BMP6: variants seen among roughly 807,000 people sequenced by gnomAD.
BMP6 encodes VG-1-R.
Under a neutral mutation model 54.1 loss-of-function variants are expected in BMP6, and 17 were observed. The observed-to-expected ratio is 0.31, with a 90% confidence interval of 0.22 to 0.47. The LOEUF (loss-of-function observed/expected upper bound fraction) is 0.47. Among genes scored for constraint, BMP6 ranks in the 20% least tolerant of loss-of-function variants. The probability of loss-of-function intolerance (pLI) is 1.00; values close to 1 mark genes in which losing one functional copy is unlikely to be tolerated. For missense variants in BMP6, 720 were observed against 690.4 expected (o/e 1.04, Z -0.48); for synonymous variants, 328 against 291.2 (o/e 1.13, Z -1.28).
At chr6:7,782,426 G>A (rs191887113) in intron 1 of BMP6, among the ~76,000 whole-genome samples, 22 of 152,258 alleles carry the variant, frequency 1.4e-4, no homozygotes, top group Admixed American at 1.0e-3. Context: ...AGTAACTGAA[G>A]CAGCCCAGGC....
At chr6:7,879,554 T>C (rs1479061902) in intron 5 of BMP6, among the ~76,000 whole-genome samples, 1 of 152,210 alleles carries the variant, frequency 6.6e-6, no homozygotes, top group East Asian at 1.9e-4. Context: ...CACCAAACGA[T>C]GCAGAAGAGC....
At chr6:7,752,077 TA>T (rs1757434097) in intron 1 of BMP6, among the ~76,000 whole-genome samples, 1 of 152,194 alleles carries the variant, frequency 6.6e-6, no homozygotes, top group Non-Finnish European at 1.5e-5. Flanking sequence ...TCTACCTCCT[TA>T]AAACTTATTG....
intron 1 of BMP6, among the ~76,000 whole-genome samples, chr6:7,797,452 G>C (rs1041580693): frequency 1.3e-5 from 2 of 152,190 alleles, no homozygotes; most frequent in Non-Finnish European, 2.9e-5. Context: ...AATTCATTGA[G>C]TGAAAAGTTA....
chr6:7,742,793 A>T (rs4960351), intron 1 of BMP6, among the ~76,000 whole-genome samples: 59,302 of 151,716 alleles, frequency 0.39, 12,667 homozygotes, highest in Non-Finnish European at 0.48. Context: ...GTAGGCGCAT[A>T]CAAGATGTGA....
At chr6:7,751,544 A>G (rs1757425495) in intron 1 of BMP6, among the ~76,000 whole-genome samples, 1 of 152,218 alleles carries the variant, frequency 6.6e-6, no homozygotes, top group African/African-American at 2.4e-5. Context: ...TGACACATAT[A>G]TTTTCTGCCT....
intron 2 of BMP6, among the ~76,000 whole-genome samples, chr6:7,855,399 G>T (rs754139051): frequency 6.6e-6 from 1 of 152,026 alleles, no homozygotes; most frequent in Non-Finnish European, 1.5e-5. Flanking sequence ...TTAAGCCCCC[G>T]CAGGGGATTC....
At chr6:7,821,272 C>T (rs916705251) in intron 1 of BMP6, among the ~76,000 whole-genome samples, 2 of 152,218 alleles carry the variant, frequency 1.3e-5, no homozygotes, top group Admixed American at 6.5e-5. Flanking sequence ...CTCCTGTCCC[C>T]ACCCAGGGGT....
At chr6:7,802,757 G>A (rs1758289996) in intron 1 of BMP6, among the ~76,000 whole-genome samples, 1 of 152,248 alleles carries the variant, frequency 6.6e-6, no homozygotes, top group Non-Finnish European at 1.5e-5. Flanking sequence ...TCACCTGACA[G>A]TGAAGGGTTT....
intron 1 of BMP6, among the ~76,000 whole-genome samples, chr6:7,758,630 T>G (rs1401408931): frequency 1.3e-5 from 2 of 152,238 alleles, no homozygotes; most frequent in Non-Finnish European, 2.9e-5. Flanking sequence ...GTGGTGGCAG[T>G]GGCTAAAGGG....
At chr6:7,796,680 T>C (rs1758195884) in intron 1 of BMP6, among the ~76,000 whole-genome samples, 1 of 152,218 alleles carries the variant, frequency 6.6e-6, no homozygotes, top group African/African-American at 2.4e-5. Flanking sequence ...GCGATACTTA[T>C]AAAATAAATG....
intron 1 of BMP6, among the ~76,000 whole-genome samples, chr6:7,844,265 G>A (rs1451349127): frequency 2.0e-5 from 3 of 151,378 alleles, no homozygotes; most frequent in Non-Finnish European, 2.9e-5. Flanking sequence ...CACATACCAC[G>A]TTTTCTTCAT....
At chr6:7,843,269 A>T (rs975657458) in intron 1 of BMP6, among the ~76,000 whole-genome samples, 6 of 124,040 alleles carry the variant, frequency 4.8e-5, no homozygotes, top group Non-Finnish European at 1.0e-4. Flanking sequence ...CCCTCAAAAT[A>T]AAAAAAAAAA....
At chr6:7,767,119 TG>T (rs1282855804) in intron 1 of BMP6, among the ~76,000 whole-genome samples, 22 of 151,928 alleles carry the variant, frequency 1.4e-4, no homozygotes, top group African/African-American at 5.3e-4. Flanking sequence ...TCCGAGTAGC[TG>T]GGACTACAGG....
intron 1 of BMP6, among the ~76,000 whole-genome samples, chr6:7,814,649 G>T (rs1014794080): frequency 2.0e-5 from 3 of 152,176 alleles, no homozygotes; most frequent in African/African-American, 7.2e-5. Flanking sequence ...GACATGTAAT[G>T]ATGTGAGGGT....
intron 1 of BMP6, among the ~76,000 whole-genome samples, chr6:7,756,736 A>C (rs1046047713): frequency 5.3e-5 from 8 of 152,252 alleles, no homozygotes; most frequent in African/African-American, 1.9e-4. Flanking sequence ...AAGCTTTGTT[A>C]TGGTGGATTC....
chr6:7,812,894 G>A (rs966179731), intron 1 of BMP6, among the ~76,000 whole-genome samples: 1 of 150,240 alleles, frequency 6.7e-6, no homozygotes, highest in African/African-American at 2.5e-5. Flanking sequence ...CCAGGTCTGG[G>A]CTTTTCCTGG....
intron 2 of BMP6, among the ~76,000 whole-genome samples, chr6:7,855,639 G>A (rs1748434255): frequency 7.6e-6 from 1 of 131,844 alleles, no homozygotes; most frequent in African/African-American, 2.9e-5. Flanking sequence ...TCAGCTCACT[G>A]CAACCTGCAC....
intron 1 of BMP6, among the ~76,000 whole-genome samples, chr6:7,773,186 C>A (rs1159487630): frequency 6.6e-6 from 1 of 152,218 alleles, no homozygotes; most frequent in Admixed American, 6.5e-5. Flanking sequence ...CTTGTACCTG[C>A]TCCCAAATGG....
chr6:7,832,532 A>G (rs376265755), intron 1 of BMP6, among the ~76,000 whole-genome samples: 1 of 152,076 alleles, frequency 6.6e-6, no homozygotes, highest in Non-Finnish European at 1.5e-5. Flanking sequence ...CACCTAGTCT[A>G]TATTTTGTTA....
Sources: gnomAD v4.1 joint callset for allele counts (sites outside exome capture counted in the v4.1 genomes callset) on GRCh38, gnomAD v4.1.1 for gene constraint, MANE v1.5 for transcripts, NCBI Gene and HGNC (gene_info 2026-07-23, HGNC 2026-07-21) for gene names.